LUZP2: variants seen among roughly 807,000 people sequenced by gnomAD.
LUZP2 encodes the protein leucine zipper protein 2.
LUZP2 carries 52 observed loss-of-function variants against 51.6 expected under a neutral mutation model. The ratio of observed to expected loss-of-function variants is 1.01; its 90% CI spans 0.81 to 1.27. The LOEUF is 1.27. LUZP2 is among the 50% of genes most tolerant of loss of function. LUZP2 has a pLI of 0.00. For synonymous variants in LUZP2, 154 were observed against 137.3 expected (o/e 1.12, Z -0.85); for missense variants, 436 against 395.4 (o/e 1.10, Z -0.87).
chr11:25,000,086 A>G (rs1401473305), intron 9 of LUZP2, among the ~76,000 whole-genome samples: 3 of 150,338 alleles, frequency 2.0e-5, no homozygotes, highest in African/African-American at 7.3e-5. Context: ...GTTTGTACTG[A>G]GTGCTGATTG....
At position 24,774,360 on chromosome 11, in the gene LUZP2, C is replaced by A. The variant is rs542779584; in HGVS notation, c.396+11052C>A. Reference sequence around the variant, plus strand: ...TCTCTCTCTCTCTCTCTCTCTCTCTCTCTATATATATATATATATATACAT... The same window carrying A: ...TCTCTCTCTCTCTCTCTCTCTCTCTATCTATATATATATATATATATACAT... On this transcript the variant is annotated intron_variant, in intron 5 of 11. Coordinates refer to ENST00000336930, the MANE Select transcript of LUZP2 (RefSeq NM_001009909.4). Among the ~76,000 whole-genome samples, 692 of 76,022 alleles carry A rather than the reference C, an allele frequency of 9.1e-3. 8 individuals are homozygous for A. The highest frequency in any genetic ancestry group is 0.036 in the African/African-American group (636 of 17,678). The allele number at this position is 76,022 out of a possible 152,430, so 49.9% of individuals were successfully genotyped here.
chr11:24,499,518 G>C (rs1344916909), intron 1 of LUZP2, among the ~76,000 whole-genome samples: 1 of 152,198 alleles, frequency 6.6e-6, no homozygotes, highest in Non-Finnish European at 1.5e-5. Context: ...GCTGGGAAAA[G>C]CTGAGTAGCT....
At position 25,049,684 on chromosome 11, in the gene LUZP2, G is replaced by A. The variant is rs941750818; in HGVS notation, c.766-354G>A. ...CATATTATTTCTCTATATACTGGGG[G>A]TTAAAATAAAAAGAAAGGACAGGAT... On this transcript the variant is annotated intron_variant, in intron 9 of 11. Transcript: ENST00000336930. Among the ~76,000 whole-genome samples the A allele has an allele frequency of 5.3e-5, 8 of 151,988 alleles. No individual in the cohort carries two copies. The East Asian group carries it at 1.4e-3, about 26-fold the overall frequency.
At chr11:24,503,580 CT>C (rs141815906) in intron 1 of LUZP2, among the ~76,000 whole-genome samples, 45 of 152,300 alleles carry the variant, frequency 3.0e-4, no homozygotes, top group Non-Finnish European at 6.5e-4. Context: ...GTTTTAATCT[CT>C]TTAAGTGTAC....
chr11:24,955,018 A>G (rs1257923083), intron 7 of LUZP2, among the ~76,000 whole-genome samples: 1 of 151,988 alleles, frequency 6.6e-6, no homozygotes, highest in East Asian at 1.9e-4. Context: ...GTCTCATTCA[A>G]TGAACTATAA....
At chr11:24,987,171 A>T (rs968014270) in intron 9 of LUZP2, among the ~76,000 whole-genome samples, 14 of 152,090 alleles carry the variant, frequency 9.2e-5, no homozygotes, top group African/African-American at 3.1e-4. Context: ...TGAAACAAGT[A>T]TTAGGATCTC....
chr11:24,568,571 C>T (rs1177941945), intron 1 of LUZP2, among the ~76,000 whole-genome samples: 1 of 151,676 alleles, frequency 6.6e-6, no homozygotes, highest in Non-Finnish European at 1.5e-5. Context: ...GAGAACTTTA[C>T]AGTTTAGAAA....
chr11:24,696,545 A>T (rs1330942548), intron 1 of LUZP2, among the ~76,000 whole-genome samples: 2 of 152,098 alleles, frequency 1.3e-5, no homozygotes, highest in Non-Finnish European at 2.9e-5. Context: ...TTACTTCATA[A>T]TAACATACTC....
At chr11:24,899,964 G>C (rs1290387974) in intron 5 of LUZP2, among the ~76,000 whole-genome samples, 1 of 152,142 alleles carries the variant, frequency 6.6e-6, no homozygotes, top group Non-Finnish European at 1.5e-5. Flanking sequence ...TGCTGAAAAT[G>C]AAAGTCTCTT....
intron 5 of LUZP2, among the ~76,000 whole-genome samples, chr11:24,825,345 C>T (rs1197897437): frequency 6.6e-6 from 1 of 152,062 alleles, no homozygotes; most frequent in Non-Finnish European, 1.5e-5. Context: ...TTGGTATCAA[C>T]TCTCTCAAAT....
At chr11:24,771,188 T>A (rs2631407) in intron 5 of LUZP2, among the ~76,000 whole-genome samples, 1 of 151,138 alleles carries the variant, frequency 6.6e-6, no homozygotes, top group Admixed American at 6.6e-5. Context: ...CATTGCAGAA[T>A]CTAGTCCTCA....
At chr11:24,873,521 C>T (rs898564895) in intron 5 of LUZP2, among the ~76,000 whole-genome samples, 1 of 152,102 alleles carries the variant, frequency 6.6e-6, no homozygotes, top group African/African-American at 2.4e-5. Flanking sequence ...CTTCAGATAA[C>T]CCTTTGACTT....
At chr11:24,887,482 A>T (rs1444948795) in intron 5 of LUZP2, among the ~76,000 whole-genome samples, 2 of 152,158 alleles carry the variant, frequency 1.3e-5, no homozygotes, top group African/African-American at 2.4e-5. Context: ...GTTGGCAATG[A>T]ATGATTTCTT....
intron 7 of LUZP2, among the ~76,000 whole-genome samples, chr11:24,962,746 C>A (rs988144048): frequency 6.6e-6 from 1 of 152,272 alleles, no homozygotes; most frequent in African/African-American, 2.4e-5. Context: ...TCATCTGAAG[C>A]CTTCTTCTCT....
chr11:25,003,652 A>G (rs1162946376), intron 9 of LUZP2, among the ~76,000 whole-genome samples: 1 of 152,172 alleles, frequency 6.6e-6, no homozygotes, highest in Non-Finnish European at 1.5e-5. Context: ...TCAGGCCTTA[A>G]GGGATATTGC....
chr11:24,961,155 C>T lies in LUZP2; in HGVS notation c.523-15436C>T, dbSNP rs191508196. On this transcript the variant is annotated intron_variant, in intron 7 of 11. Coordinates refer to ENST00000336930, the MANE Select transcript of LUZP2 (RefSeq NM_001009909.4). ...GTTCTTTTACATTTGCTGAGGAGAG[C>T]TTTACTTCCAACTATGTGGTTAATG... Among the ~76,000 whole-genome samples the T allele has an allele frequency of 3.1e-4, 47 of 152,180 alleles. No homozygotes were observed. In the East Asian group the frequency reaches 6.9e-3, roughly 22 times the overall value.
chr11:25,015,551 T>C (rs931980667), intron 9 of LUZP2, among the ~76,000 whole-genome samples: 1 of 152,094 alleles, frequency 6.6e-6, no homozygotes, highest in Non-Finnish European at 1.5e-5. Flanking sequence ...CCTGATACAT[T>C]TGAGGGGTAG....
chr11:24,988,878 G>A (rs1565195897), intron 9 of LUZP2, among the ~76,000 whole-genome samples: 1 of 151,958 alleles, frequency 6.6e-6, no homozygotes. Flanking sequence ...GTTTTAGAAG[G>A]TTATCTTCTA....
At chr11:24,734,684 T>A (rs1858860034) in intron 3 of LUZP2, among the ~76,000 whole-genome samples, 1 of 151,960 alleles carries the variant, frequency 6.6e-6, no homozygotes. Context: ...AAAAATTGTG[T>A]GTATATTATG....
Sources: gnomAD v4.1 joint callset for allele counts (sites outside exome capture counted in the v4.1 genomes callset) on GRCh38, gnomAD v4.1.1 for gene constraint, MANE v1.5 for transcripts, NCBI Gene and HGNC (gene_info 2026-07-23, HGNC 2026-07-21) for gene names.